The following FAM118A variants were observed in gnomAD, a reference collection of about 807,000 sequenced individuals.
FAM118A encodes SIR2 antiphage like 2.
Under a neutral mutation model 38.2 loss-of-function variants are expected in FAM118A, and 25 were observed. The observed-to-expected ratio is 0.65, with a 90% CI of 0.48 to 0.91. FAM118A has a LOEUF of 0.91. Ranked by LOEUF, FAM118A falls within the 40% of genes least tolerant of loss-of-function variation. The pLI, the probability that FAM118A is intolerant of heterozygous loss-of-function variation, is 0.00. For missense variants in FAM118A, 425 were observed against 463.3 expected (o/e 0.92, Z 0.76); for synonymous variants, 178 against 184.1 (o/e 0.97, Z 0.27).
chr22:45,313,320 T>C (rs1487273154), intron 1 of FAM118A, among the ~76,000 whole-genome samples: 1 of 43,552 alleles, frequency 2.3e-5, no homozygotes, highest in Non-Finnish European at 1.0e-4. Context: ...GTCGTGAGGG[T>C]TTTTTTTTTT....
chr22:45,330,827 G>C (rs191579271), intron 5 of FAM118A, 96 bp downstream of exon 5: 54 of 1,351,484 alleles, frequency 4.0e-5, no homozygotes, highest in East Asian at 1.1e-4. Flanking sequence ...CAGGCTCCAG[G>C]CGTCCGTGCC....
Position 45,338,426 on chromosome 22 carries a change from A to G in FAM118A, c.1055-1960A>G, listed in dbSNP as rs190373604. On this transcript the variant is annotated intron_variant, in intron 8 of 8. Transcript: ENST00000441876. ...GTACTTTTAGTAGAGATGGGGTTTC[A>G]CTATGTTGGCCAGGCTGGTCTCAAA... 5.5e-3 allele frequency among the ~76,000 whole-genome samples: 838 copies of G among 152,146 alleles called. 5 individuals carry two copies. The highest frequency in any genetic ancestry group is 0.019 in the African/African-American group (795 of 41,500).
chr22:45,317,532 T>C (rs747354246), intron 1 of FAM118A, among the ~76,000 whole-genome samples: 6 of 152,354 alleles, frequency 3.9e-5, no homozygotes, highest in Admixed American at 2.0e-4. Flanking sequence ...CTTTTAATCA[T>C]TACAGTTCTT....
At chr22:45,336,447 G>A (rs11704481) in intron 8 of FAM118A, 36 bp downstream of exon 8, 842,871 of 1,554,608 alleles carry the variant, frequency 0.54, 240,739 homozygotes, top group Non-Finnish European at 0.6. Context: ...GAGCTGCCTC[G>A]GGTCTCTCTT....
chr22:45,315,894 T>C (rs1160266698), intron 1 of FAM118A, among the ~76,000 whole-genome samples: 1 of 152,234 alleles, frequency 6.6e-6, no homozygotes, highest in Non-Finnish European at 1.5e-5. Context: ...AGAAGCTTAA[T>C]TTTTTGCCCA....
intron 2 of FAM118A, 130 bp from the exon 3 acceptor site, chr22:45,323,045 G>GTA: frequency 1.4e-6 from 1 of 723,620 alleles, no homozygotes; most frequent in South Asian, 2.0e-5. Flanking sequence ...AGGGGACTGT[G>GTA]TGTGTGTGTG....
rs183839738 is a variant in FAM118A at position 45,340,107 on chromosome 22, C to G, written c.1055-279C>G. ...ATGTTTGTTGAAATTGCCCCATCCT[C>G]AGTCCACTAAGAAATAAAAGAGCAT... On this transcript the variant is annotated intron_variant, in intron 8 of 8. Coordinates refer to ENST00000441876, the MANE Select transcript of FAM118A (RefSeq NM_017911.4). 3.0e-4 allele frequency among the ~76,000 whole-genome samples: 45 copies of G among 152,374 alleles called. 1 individual carries two copies. The East Asian group carries it at 8.1e-3, about 27-fold the overall frequency.
chr22:45,322,491 T>G, intron 2 of FAM118A, 65 bp downstream of exon 2: 1 of 1,387,084 alleles, frequency 7.2e-7, no homozygotes, highest in Non-Finnish European at 1.0e-6. Context: ...CTCGTGAGTG[T>G]GCGCACTCGT....
intron 5 of FAM118A, among the ~76,000 whole-genome samples, chr22:45,331,341 A>G (rs1461809036): frequency 7.2e-6 from 1 of 139,276 alleles, no homozygotes; most frequent in Non-Finnish European, 1.5e-5. Context: ...ATAAATAAAT[A>G]AAAGTAAATA....
chr22:45,310,157 G>C lies in FAM118A; in HGVS notation c.-36G>C, dbSNP rs1205734423. The C allele has an allele frequency of 6.6e-6, 1 of 151,892 alleles. No homozygotes were observed. The highest frequency in any genetic ancestry group is 1.5e-5 in the Non-Finnish European group (1 of 67,952). 9.4% of individuals were successfully genotyped at this position (151,892 alleles called of 1,614,324 possible). A position where few individuals can be genotyped will look rare whatever the true frequency, so the allele number is the denominator to read the frequency against. Reference sequence around the variant, plus strand: ...AGGCGAAGAGGTGGCAGCGCGAGCTGGGACCAGCGTCTCGGAGGCGCCGCA... The same window carrying C: ...AGGCGAAGAGGTGGCAGCGCGAGCTCGGACCAGCGTCTCGGAGGCGCCGCA... On this transcript the variant is annotated 5_prime_UTR_variant, in exon 1 of 9. Coordinates refer to ENST00000441876, the MANE Select transcript of FAM118A (RefSeq NM_017911.4).
In FAM118A at chr22:45,336,423, G is replaced by A. The variant is rs756788125; in HGVS notation, c.1054+12G>A. On this transcript the variant is annotated intron_variant, in intron 8 of 8. Coordinates refer to ENST00000441876, the MANE Select transcript of FAM118A (RefSeq NM_017911.4). ...ACAATCAGATACTGGTATTGTGTCT[G>A]TTCTTTTTGTGGGGAGCTGCCTCGG... The A allele has an allele frequency of 6.2e-7, 1 of 1,609,170 alleles. No homozygotes were observed. Among genetic ancestry groups the A allele is most frequent in the African/African-American group, 1.3e-5 (1 of 74,948 alleles).
upstream of FAM118A, chr22:45,309,468 C>G (rs1746802755): frequency 6.6e-6 from 1 of 152,404 alleles, no homozygotes; most frequent in Admixed American, 6.5e-5. Flanking sequence ...GGGCAGGAGT[C>G]TGCTGGGGGA....
intron 1 of FAM118A, among the ~76,000 whole-genome samples, chr22:45,315,920 C>T (rs1015951943): frequency 2.0e-5 from 3 of 152,196 alleles, no homozygotes; most frequent in Non-Finnish European, 4.4e-5. Context: ...GCCTTGTTTC[C>T]AGTTCAGGTG....
intron 6 of FAM118A, 142 bp downstream of exon 6, chr22:45,332,852 T>TTC: frequency 1.2e-6 from 1 of 848,528 alleles, no homozygotes; most frequent in Admixed American, 3.0e-5. Flanking sequence ...GTTCAAGGGA[T>TTC]TCTGCCTCAG....
intron 8 of FAM118A, among the ~76,000 whole-genome samples, chr22:45,336,975 G>A (rs1467404001): frequency 6.6e-6 from 1 of 152,244 alleles, no homozygotes; most frequent in South Asian, 2.1e-4. Flanking sequence ...TATCTAAACA[G>A]TGTATTTGAA....
chr22:45,327,076 T>C (rs908376525), intron 3 of FAM118A, among the ~76,000 whole-genome samples: 2 of 149,896 alleles, frequency 1.3e-5, no homozygotes, highest in African/African-American at 4.9e-5. Context: ...ATTAAAAAAA[T>C]TTTTAAAAAA....
At chr22:45,311,822 AG>A (rs2084379535) in intron 1 of FAM118A, among the ~76,000 whole-genome samples, 1 of 152,060 alleles carries the variant, frequency 6.6e-6, no homozygotes, top group Non-Finnish European at 1.5e-5. Flanking sequence ...AGCTTCTGAA[AG>A]CCCAGGCCCA....
intron 3 of FAM118A, 123 bp downstream of exon 3, chr22:45,323,550 G>C: frequency 7.8e-7 from 1 of 1,274,172 alleles, no homozygotes; most frequent in South Asian, 1.4e-5. Flanking sequence ...GAGTCGGGCT[G>C]ATGAGCCAGA....
At chr22:45,339,075 G>A (rs999633362) in intron 8 of FAM118A, among the ~76,000 whole-genome samples, 5 of 152,208 alleles carry the variant, frequency 3.3e-5, no homozygotes, top group African/African-American at 1.2e-4. Flanking sequence ...GCTGTGAGGG[G>A]CAGCTGTCAC....
Sources: allele counts gnomAD v4.1 joint callset (sites outside exome capture counted in the v4.1 genomes callset), GRCh38; gene constraint gnomAD v4.1.1; transcripts MANE v1.5; gene names NCBI Gene and HGNC (gene_info 2026-07-23, HGNC 2026-07-21).